TNFRSF8: variants seen among roughly 807,000 people sequenced by gnomAD.
TNFRSF8 encodes TNF receptor superfamily member 8.
Under a neutral mutation model 70.8 loss-of-function variants are expected in TNFRSF8, and 26 were observed. The ratio of observed to expected loss-of-function variants is 0.37; its 90% CI spans 0.27 to 0.51. TNFRSF8 has a LOEUF of 0.51. TNFRSF8 is among the 20% of genes least tolerant of loss of function. The pLI, the probability that TNFRSF8 is intolerant of heterozygous loss-of-function variation, is 0.94. For missense variants in TNFRSF8, 720 were observed against 807.9 expected (o/e 0.89, Z 1.32); for synonymous variants, 356 against 339.2 (o/e 1.05, Z -0.54).
chr1:12,097,864 G>C (rs1641357449), intron 3 of TNFRSF8, among the ~76,000 whole-genome samples: 1 of 152,084 alleles, frequency 6.6e-6, no homozygotes, highest in South Asian at 2.1e-4. Context: ...TATTCTGTTT[G>C]TTGCGTATAA....
chr1:12,126,262 C>A, intron 12 of TNFRSF8, 26 bp downstream of exon 12: 1 of 1,614,016 alleles, frequency 6.2e-7, no homozygotes. Flanking sequence ...TCCAAAGGGG[C>A]TGCCCGAGCC....
intron 3 of TNFRSF8, among the ~76,000 whole-genome samples, chr1:12,102,051 G>A (rs1402950589): frequency 2.0e-5 from 3 of 152,308 alleles, no homozygotes; most frequent in Admixed American, 6.5e-5. Flanking sequence ...GGTGCGTGAA[G>A]GTATCATTTC....
At chr1:12,072,360 A>AG (rs1640863037) in intron 1 of TNFRSF8, among the ~76,000 whole-genome samples, 1 of 151,990 alleles carries the variant, frequency 6.6e-6, no homozygotes, top group Non-Finnish European at 1.5e-5. Flanking sequence ...TACAGAAGAG[A>AG]GGGTGGCCAG....
intron 2 of TNFRSF8, among the ~76,000 whole-genome samples, chr1:12,091,768 G>T (rs969782769): frequency 1.3e-5 from 2 of 152,202 alleles, no homozygotes; most frequent in African/African-American, 4.8e-5. Flanking sequence ...TGGCACCAGG[G>T]ACTGGTTTTG....
At chr1:12,064,851 G>A (rs1569967429) in intron 1 of TNFRSF8, among the ~76,000 whole-genome samples, 1 of 152,320 alleles carries the variant, frequency 6.6e-6, no homozygotes, top group South Asian at 2.1e-4. Context: ...CCTGGGGGAA[G>A]GTAAGAGTTT....
Position 12,110,263 on chromosome 1 carries a change from C to T in TNFRSF8, c.676+59C>T. The T allele has an allele frequency of 6.7e-7, 1 of 1,494,920 alleles. No individual in the cohort carries two copies. The allele number at this position is 1,494,920 out of a possible 1,614,324, so 92.6% of individuals were successfully genotyped here. A position where few individuals can be genotyped will look rare whatever the true frequency, so the allele number is the denominator to read the frequency against. ...TGGGGTGCTCGATTGGTGGATGGCC[C>T]ATGAGTGGGGGTGTTTGGAGCAGGC... On this transcript the variant is annotated intron_variant, in intron 6 of 14. Coordinates refer to ENST00000263932, the MANE Select transcript of TNFRSF8 (RefSeq NM_001243.5). The surrounding 1 kb of genome is among the most constrained non-coding windows in gnomAD (Gnocchi z 4.0).
intron 4 of TNFRSF8, 123 bp downstream of exon 4, chr1:12,104,654 G>A: frequency 8.0e-7 from 1 of 1,254,386 alleles, no homozygotes. Flanking sequence ...GACAGATCAT[G>A]TCTCCTTTGG....
chr1:12,103,949 C>T (rs1305001802), intron 3 of TNFRSF8, among the ~76,000 whole-genome samples: 2 of 152,168 alleles, frequency 1.3e-5, no homozygotes, highest in African/African-American at 4.8e-5. Context: ...GGATGATGAC[C>T]ACGTGCCCAC....
At chr1:12,134,442 A>C (rs940690497) in intron 12 of TNFRSF8, among the ~76,000 whole-genome samples, 19 of 152,296 alleles carry the variant, frequency 1.2e-4, no homozygotes, top group African/African-American at 4.1e-4. Flanking sequence ...CAGTGAGCCA[A>C]GGTTAAATGT....
intron 1 of TNFRSF8, among the ~76,000 whole-genome samples, chr1:12,082,582 A>AT (rs1360635291): frequency 6.6e-6 from 1 of 151,752 alleles, no homozygotes; most frequent in Non-Finnish European, 1.5e-5. Flanking sequence ...AAACAAAAAA[A>AT]ACCCCCACAA....
intron 12 of TNFRSF8, 76 bp from the exon 13 acceptor site, chr1:12,135,512 T>G: frequency 6.3e-7 from 1 of 1,597,406 alleles, no homozygotes; most frequent in Non-Finnish European, 8.5e-7. Context: ...AGGAGGACCA[T>G]TTGCCAATAG....
chr1:12,097,757 G>C (rs1290044973), intron 3 of TNFRSF8, among the ~76,000 whole-genome samples: 1 of 151,994 alleles, frequency 6.6e-6, no homozygotes, highest in East Asian at 1.9e-4. Flanking sequence ...TTGGGGGGTA[G>C]GGTGGGGGAA....
At chr1:12,084,838 C>T (rs1332494529) in intron 2 of TNFRSF8, among the ~76,000 whole-genome samples, 2 of 152,098 alleles carry the variant, frequency 1.3e-5, no homozygotes, top group Admixed American at 6.5e-5. Flanking sequence ...TCCATGAGTC[C>T]GAGACCTTTA....
intron 1 of TNFRSF8, among the ~76,000 whole-genome samples, chr1:12,068,551 G>A (rs957074429): frequency 2.6e-5 from 4 of 152,284 alleles, no homozygotes; most frequent in African/African-American, 7.2e-5. Flanking sequence ...ACCTTCTTCC[G>A]GTATCTATGG....
At chr1:12,070,844 G>C (rs1214694447) in intron 1 of TNFRSF8, among the ~76,000 whole-genome samples, 1 of 152,136 alleles carries the variant, frequency 6.6e-6, no homozygotes, top group Non-Finnish European at 1.5e-5. Flanking sequence ...GTGGGGGTTG[G>C]GTGTTGAAAT....
At chr1:12,090,025 C>A (rs184323276) in intron 2 of TNFRSF8, among the ~76,000 whole-genome samples, 2 of 151,118 alleles carry the variant, frequency 1.3e-5, no homozygotes, top group Admixed American at 6.6e-5. Context: ...ACCCATCCAC[C>A]TTTCCCCATC....
chr1:12,080,459 A>T, intron 1 of TNFRSF8: 2 of 524,826 alleles, frequency 3.8e-6, no homozygotes, highest in South Asian at 2.8e-5. Context: ...TATCTTCTTC[A>T]TGGCAGACTC....
intron 1 of TNFRSF8, among the ~76,000 whole-genome samples, chr1:12,071,159 G>A (rs1486758636): frequency 6.6e-6 from 1 of 152,214 alleles, no homozygotes; most frequent in Non-Finnish European, 1.5e-5. Context: ...TAGCCCTGGT[G>A]GTCAAAAGTC....
intron 3 of TNFRSF8, among the ~76,000 whole-genome samples, chr1:12,097,516 T>C (rs1037068618): frequency 1.3e-5 from 2 of 152,112 alleles, no homozygotes; most frequent in Non-Finnish European, 2.9e-5. Context: ...TACTTTACAA[T>C]GAGGAATTTG....
Sources: allele counts gnomAD v4.1 joint callset (sites outside exome capture counted in the v4.1 genomes callset), GRCh38; gene constraint gnomAD v4.1.1; non-coding constraint Gnocchi (gnomAD v3.1); transcripts MANE v1.5; gene names NCBI Gene and HGNC (gene_info 2026-07-23, HGNC 2026-07-21).